Variants in DNAH11 observed in about 807,000 individuals in gnomAD.
DNAH11 encodes axonemal beta dynein heavy chain 11.
DNAH11 carries 442 observed loss-of-function variants against 526.0 expected under a neutral mutation model. The observed-to-expected ratio is 0.84, with a 90% confidence interval of 0.78 to 0.91. The LOEUF is 0.91. Ranked by LOEUF, DNAH11 falls within the 40% of genes least tolerant of loss-of-function variation. The pLI is 0.00. For missense variants in DNAH11, 6,989 were observed against 5,448.7 expected, an observed-to-expected ratio of 1.28 and a Z score of -8.90; for synonymous variants, 2,461 against 1,935.9, an observed-to-expected ratio of 1.27 and a Z score of -7.12.
In DNAH11 at chr7:21,773,964, A is replaced by G. The variant is rs372462580; in HGVS notation, c.9301A>G (p.Asn3101Asp). 1.8e-5 allele frequency: 28 copies of G among 1,576,278 alleles called. No homozygotes were observed. Among genetic ancestry groups the G allele is most frequent in the Non-Finnish European group, 2.3e-5 (27 of 1,161,338 alleles). ...EVSEKKERLV[N>D]GIQKLKTTAS... Reference sequence around the variant, plus strand: ...ATCCGAGAAAAAAGAACGCCTGGTGAACGGCATCCAAAAGCTAAAAACCAC... The same window carrying G: ...ATCCGAGAAAAAAGAACGCCTGGTGGACGGCATCCAAAAGCTAAAAACCAC... Residue 3101 changes from asparagine to aspartate, a missense_variant, in exon 56 of 82, where the codon AAC becomes GAC. Physicochemically the swap from Asn to Asp is conservative, Grantham distance 23 (BLOSUM62 1). Transcript: ENST00000409508.
At chr7:21,690,979 C>G (rs1196586364) in intron 35 of DNAH11, 98 bp downstream of exon 35, 3 of 857,924 alleles carry the variant, frequency 3.5e-6, no homozygotes, top group Non-Finnish European at 5.6e-6. Flanking sequence ...TTGAAAATTC[C>G]TAAGGAAAAT....
rs766033037 is a variant in DNAH11, at chr7:21,868,839, C to T, written c.11840-25C>T. 8 of 1,613,588 alleles carry T rather than the reference C, an allele frequency of 5.0e-6. No homozygotes were observed. The East Asian group carries it at 1.1e-4, about 22-fold the overall frequency. ...TCACCCTCCTTCATAGACATTTCCT[C>T]TCACCGTGGTGTATTCTCCCACAGG... On this transcript the variant is annotated intron_variant, in intron 72 of 81. Coordinates refer to ENST00000409508, the MANE Select transcript of DNAH11 (RefSeq NM_001277115.2).
chr7:21,650,348 C>T (rs1449731704), intron 28 of DNAH11, among the ~76,000 whole-genome samples: 1 of 151,966 alleles, frequency 6.6e-6, no homozygotes, highest in Non-Finnish European at 1.5e-5. Flanking sequence ...TATAGAAATA[C>T]ATTAAAAAGT....
intron 29 of DNAH11, 123 bp downstream of exon 29, chr7:21,656,104 C>T (rs557058427): frequency 3.4e-4 from 378 of 1,112,734 alleles, no homozygotes; most frequent in Non-Finnish European, 3.9e-4. Flanking sequence ...GTTTTGTGCT[C>T]GGAGGTTCCT....
chr7:21,744,997 T>TA lies in DNAH11; in HGVS notation c.8445dup (p.Asp2816ArgfsTer5). The TA allele has an allele frequency of 6.2e-7, 1 of 1,610,362 alleles. No individual in the cohort carries two copies. ...CTGAAGACGATTCTTACAGAAACGTTAGACAACTACAATGAACTAAATGCT... is the reference window on the plus strand; with the variant it reads ...CTGAAGACGATTCTTACAGAAACGTTAAGACAACTACAATGAACTAAATGCT... On this transcript the variant is annotated frameshift_variant, in exon 51 of 82. Transcript: ENST00000409508. LOFTEE classifies it high-confidence loss of function.
At chr7:21,704,328 TATCTCATGCTTCA>T in intron 37 of DNAH11, 93 bp from the exon 38 acceptor site, 1 of 1,113,894 alleles carries the variant, frequency 9.0e-7, no homozygotes, top group Non-Finnish European at 1.3e-6. Context: ...ACAGTACCAA[TATCTCATGCTTCA>T]CATATGAGGA....
chr7:21,809,285 G>C (rs1789405114), intron 63 of DNAH11, among the ~76,000 whole-genome samples: 1 of 152,114 alleles, frequency 6.6e-6, no homozygotes, highest in Admixed American at 6.5e-5. Context: ...TCTGGTTATT[G>C]ATGCCTTGTT....
intron 39 of DNAH11, 47 bp from the exon 40 acceptor site, chr7:21,707,652 G>C (rs1254287916): frequency 6.3e-7 from 1 of 1,589,092 alleles, no homozygotes; most frequent in Non-Finnish European, 8.6e-7. Flanking sequence ...TTTCCATTTG[G>C]CTTATGTTAG....
At position 21,772,933 on chromosome 7, in the gene DNAH11, G is replaced by A. The variant is rs563086499; in HGVS notation, c.9103-833G>A. On this transcript the variant is annotated intron_variant, in intron 55 of 81. Transcript: ENST00000409508. The stretch of plus-strand genomic sequence containing the variant: ...ACGTGTGTGCAATTTTCCCAAAGAC[G>A]TCTGAGCATTATTGACAACACTTTG... 3.9e-5 allele frequency among the ~76,000 whole-genome samples: 6 copies of A among 152,266 alleles called. No individual in the cohort carries two copies. The South Asian group carries it at 1.2e-3, about 32-fold the overall frequency.
rs570827370 is a variant in DNAH11 at position 21,854,478 on chromosome 7, A to G, written c.11202+23A>G. ...AAGGTAATGCTGAATGAGCTAAGAA[A>G]TATGGGAAACTTTAGGAGTTCAATT... On this transcript the variant is annotated intron_variant, in intron 68 of 81. Coordinates refer to ENST00000409508, the MANE Select transcript of DNAH11 (RefSeq NM_001277115.2). The G allele has an allele frequency of 2.5e-6, 4 of 1,606,790 alleles. No homozygotes were observed. The South Asian group carries it at 3.4e-5, about 14-fold the overall frequency.
intron 25 of DNAH11, among the ~76,000 whole-genome samples, chr7:21,624,253 G>A (rs1248048062): frequency 6.6e-6 from 1 of 152,002 alleles, no homozygotes; most frequent in East Asian, 1.9e-4. Flanking sequence ...TCAATGTTTT[G>A]TGGTTTTTAG....
intron 2 of DNAH11, among the ~76,000 whole-genome samples, chr7:21,549,671 G>T (rs1171268857): frequency 6.6e-6 from 1 of 152,134 alleles, no homozygotes; most frequent in Admixed American, 6.6e-5. Context: ...CAGTTACTTG[G>T]TGGGGAGCCC....
chr7:21,800,514 C>T (rs557664177), intron 61 of DNAH11, among the ~76,000 whole-genome samples: 1 of 152,224 alleles, frequency 6.6e-6, no homozygotes, highest in South Asian at 2.1e-4. Flanking sequence ...CACCTGTAAT[C>T]CCAGCTACTC....
intron 42 of DNAH11, among the ~76,000 whole-genome samples, chr7:21,714,390 T>G (rs929397734): frequency 3.3e-5 from 5 of 152,212 alleles, no homozygotes; most frequent in Non-Finnish European, 7.3e-5. Flanking sequence ...GAAGGCGTTT[T>G]TGTATTTTCA....
At chr7:21,648,342 C>T (rs942823763) in intron 28 of DNAH11, among the ~76,000 whole-genome samples, 11 of 152,216 alleles carry the variant, frequency 7.2e-5, no homozygotes, top group African/African-American at 2.7e-4. Context: ...AGGCTAGAAA[C>T]TAGTTCTCCA....
chr7:21,837,493 C>T (rs1156729787), intron 65 of DNAH11, among the ~76,000 whole-genome samples: 1 of 152,082 alleles, frequency 6.6e-6, no homozygotes, highest in Non-Finnish European at 1.5e-5. Flanking sequence ...ACAAATACTG[C>T]CTGCTCTCAT....
At chr7:21,654,377 A>T (rs1239863168) in intron 28 of DNAH11, among the ~76,000 whole-genome samples, 1 of 152,198 alleles carries the variant, frequency 6.6e-6, no homozygotes, top group Admixed American at 6.5e-5. Context: ...CATTTAGCTT[A>T]TATTTTCAAG....
chr7:21,575,833 C>T (rs1401826872), intron 8 of DNAH11, among the ~76,000 whole-genome samples: 5 of 152,160 alleles, frequency 3.3e-5, no homozygotes, highest in Non-Finnish European at 7.4e-5. Context: ...TTGCTTTTAT[C>T]CCTTACTATA....
rs1302264717 is a variant in DNAH11, at chr7:21,547,996, G to A, written c.495+2847G>A. On this transcript the variant is annotated intron_variant, in intron 2 of 81. Transcript: ENST00000409508. Reference sequence around the variant, plus strand: ...TAGTCCCCTTACACAGGAGGAATACGACATCCCATTGCTGTTAAGACTCCT... The same window carrying A: ...TAGTCCCCTTACACAGGAGGAATACAACATCCCATTGCTGTTAAGACTCCT... Among the ~76,000 whole-genome samples, 46 of 152,130 alleles carry A rather than the reference G, an allele frequency of 3.0e-4. 1 individual carries two copies. Among genetic ancestry groups the A allele is most frequent in the South Asian group, 2.1e-4 (1 of 4,826 alleles).
Sources: allele counts gnomAD v4.1 joint callset (sites outside exome capture counted in the v4.1 genomes callset), GRCh38; gene constraint gnomAD v4.1.1; transcripts MANE v1.5; gene names NCBI Gene and HGNC (gene_info 2026-07-23, HGNC 2026-07-21).